The following SORCS1 variants were observed in gnomAD, a reference collection of about 807,000 sequenced individuals.
SORCS1 encodes sortilin related VPS10 domain containing receptor 1.
Under a neutral mutation model 146.1 loss-of-function variants are expected in SORCS1, and 60 were observed. The observed-to-expected ratio is 0.41, with a 90% CI of 0.33 to 0.51. The LOEUF (loss-of-function observed/expected upper bound fraction) is 0.51. SORCS1 is among the 20% of genes least tolerant of loss of function. The pLI is 0.21. For synonymous variants in SORCS1, 637 were observed against 584.0 expected, an observed-to-expected ratio of 1.09 and a Z score of -1.31; for missense variants, 1,352 against 1,487.6, an observed-to-expected ratio of 0.91 and a Z score of 1.50.
At chr10:106,857,393 A>C (rs1209053809) in intron 2 of SORCS1, among the ~76,000 whole-genome samples, 2 of 152,246 alleles carry the variant, frequency 1.3e-5, no homozygotes, top group Admixed American at 1.3e-4. Context: ...GCTTGGGCAC[A>C]GGAAGCATCA....
rs560818099 is a variant in SORCS1, at chr10:106,626,338, C to T, written c.2662+2864G>A. On this transcript the variant is annotated intron_variant, in intron 19 of 25. Coordinates refer to ENST00000263054, the MANE Select transcript of SORCS1 (RefSeq NM_052918.5). Reference sequence around the variant, plus strand: ...TTTTGCTTGATGGGACTTTTGGGAACGAGATGTGCATCTACTTGACAGAGG... The same window carrying T: ...TTTTGCTTGATGGGACTTTTGGGAATGAGATGTGCATCTACTTGACAGAGG... Among the ~76,000 whole-genome samples the T allele has an allele frequency of 9.9e-5, 15 of 152,210 alleles. 1 individual carries two copies. The South Asian group carries it at 2.5e-3, about 25-fold the overall frequency.
chr10:106,996,495 A>G (rs1031954868), intron 1 of SORCS1, among the ~76,000 whole-genome samples: 1 of 152,198 alleles, frequency 6.6e-6, no homozygotes, highest in African/African-American at 2.4e-5. Flanking sequence ...TCCCTATACC[A>G]GTGAATTATT....
At chr10:107,132,866 AAT>A (rs201031111) in intron 1 of SORCS1, among the ~76,000 whole-genome samples, 1 of 151,210 alleles carries the variant, frequency 6.6e-6, no homozygotes, top group African/African-American at 2.4e-5. Context: ...AATAAAAAAA[AAT>A]AAAAAACGAG....
intron 1 of SORCS1, among the ~76,000 whole-genome samples, chr10:106,959,814 A>G (rs1955137412): frequency 6.6e-6 from 1 of 152,196 alleles, no homozygotes; most frequent in Non-Finnish European, 1.5e-5. Context: ...TCCAGCTTTC[A>G]GTGGAACTTT....
chr10:107,090,421 T>C (rs1487506283), intron 1 of SORCS1, among the ~76,000 whole-genome samples: 2 of 152,150 alleles, frequency 1.3e-5, no homozygotes, highest in Non-Finnish European at 2.9e-5. Context: ...ACAGAGGAGT[T>C]TGGACTTGTA....
At chr10:106,854,658 T>C (rs1351915965) in intron 2 of SORCS1, among the ~76,000 whole-genome samples, 1 of 152,070 alleles carries the variant, frequency 6.6e-6, no homozygotes, top group African/African-American at 2.4e-5. Flanking sequence ...CTGTAGAGTT[T>C]GCAATACATA....
intron 1 of SORCS1, among the ~76,000 whole-genome samples, chr10:107,149,750 A>C (rs7900395): frequency 0.11 from 16,985 of 152,218 alleles, 1,331 homozygotes; most frequent in East Asian, 0.27. Context: ...ATCTAATCTG[A>C]TATTTTAAAA....
At chr10:106,894,674 G>A (rs185323053) in intron 2 of SORCS1, among the ~76,000 whole-genome samples, 140 of 152,290 alleles carry the variant, frequency 9.2e-4, no homozygotes, top group African/African-American at 3.2e-3. Context: ...AGTTGCTCAT[G>A]AGTTTCAAAC....
At chr10:106,660,960 G>T (rs534362191) in intron 17 of SORCS1, among the ~76,000 whole-genome samples, 1 of 152,232 alleles carries the variant, frequency 6.6e-6, no homozygotes, top group East Asian at 1.9e-4. Context: ...AGATTATCTT[G>T]GTTTCTTAGA....
intron 14 of SORCS1, 79 bp from the exon 15 acceptor site, chr10:106,673,064 C>A: frequency 8.6e-7 from 1 of 1,156,648 alleles, no homozygotes; most frequent in Non-Finnish European, 1.3e-6. Context: ...ATTTGTGGGG[C>A]GTTCACCCTG....
chr10:106,927,987 G>C (rs1322071646), intron 2 of SORCS1, among the ~76,000 whole-genome samples: 2 of 152,262 alleles, frequency 1.3e-5, no homozygotes, highest in Non-Finnish European at 2.9e-5. Flanking sequence ...CAATCCCTTA[G>C]CTAGACATAA....
chr10:106,788,245 G>C (rs1011806829), intron 3 of SORCS1, among the ~76,000 whole-genome samples: 1 of 152,126 alleles, frequency 6.6e-6, no homozygotes, highest in Non-Finnish European at 1.5e-5. Flanking sequence ...TTCAAGATGA[G>C]ATTTGGGTAG....
intron 1 of SORCS1, among the ~76,000 whole-genome samples, chr10:107,141,644 G>A (rs549141466): frequency 6.6e-6 from 1 of 152,158 alleles, no homozygotes; most frequent in Non-Finnish European, 1.5e-5. Flanking sequence ...ATGGGGCAGA[G>A]GAATCCCTTG....
chr10:106,623,560 T>G (rs1035917767), intron 19 of SORCS1, among the ~76,000 whole-genome samples: 9 of 152,088 alleles, frequency 5.9e-5, no homozygotes, highest in African/African-American at 2.2e-4. Context: ...TTTTTAAAAG[T>G]CATAAACCAG....
At chr10:106,681,400 C>T (rs1047688245) in intron 10 of SORCS1, among the ~76,000 whole-genome samples, 1 of 152,194 alleles carries the variant, frequency 6.6e-6, no homozygotes, top group East Asian at 1.9e-4. Flanking sequence ...AGAATACACT[C>T]TATAAATAAA....
At chr10:107,054,602 C>A (rs1960421731) in intron 1 of SORCS1, among the ~76,000 whole-genome samples, 1 of 152,194 alleles carries the variant, frequency 6.6e-6, no homozygotes, top group Non-Finnish European at 1.5e-5. Context: ...GGAAATGTCA[C>A]ATTCAGAGCC....
At chr10:106,761,699 T>C (rs747363876) in intron 4 of SORCS1, 38 bp from the exon 5 acceptor site, 10 of 1,550,622 alleles carry the variant, frequency 6.4e-6, no homozygotes, top group East Asian at 4.5e-5. Context: ...TATGGTTCTA[T>C]AGTACATCAA....
At chr10:106,814,986 G>A (rs1000828635) in intron 3 of SORCS1, among the ~76,000 whole-genome samples, 2 of 151,272 alleles carry the variant, frequency 1.3e-5, no homozygotes, top group Non-Finnish European at 2.9e-5. Context: ...TTGAGACGGA[G>A]TCTCACTCTG....
chr10:107,004,283 A>T (rs1957349972), intron 1 of SORCS1, among the ~76,000 whole-genome samples: 2 of 151,430 alleles, frequency 1.3e-5, no homozygotes, highest in Non-Finnish European at 2.9e-5. Flanking sequence ...ATCATTTTTC[A>T]GTTCCCTTCT....
Sources: allele counts gnomAD v4.1 joint callset (sites outside exome capture counted in the v4.1 genomes callset), GRCh38; gene constraint gnomAD v4.1.1; transcripts MANE v1.5; gene names NCBI Gene and HGNC (gene_info 2026-07-23, HGNC 2026-07-21).